Variants in PCDHA8 observed in about 807,000 individuals in gnomAD.
PCDHA8 encodes the protein protocadherin alpha-8.
A neutral mutation model predicts 61.8 loss-of-function variants in PCDHA8; 53 were observed. That is an observed-to-expected ratio of 0.86 (90% CI 0.69 to 1.08). The LOEUF (loss-of-function observed/expected upper bound fraction) is 1.08, where lower values mean the gene tolerates loss of function less well. PCDHA8 is among the 50% of genes least tolerant of loss of function. PCDHA8 has a pLI of 0.00. For missense variants in PCDHA8, 1,293 were observed against 1,245.0 expected, an observed-to-expected ratio of 1.04 and a Z score of -0.58; for synonymous variants, 618 against 556.6, an observed-to-expected ratio of 1.11 and a Z score of -1.55.
In PCDHA8 at chr5:140,842,901, A is replaced by G. The variant is rs150252824; in HGVS notation, c.1580A>G (p.Glu527Gly). ...VYALQPLDHEELELLQFQVSA... is the reference protein window; with the variant it reads ...VYALQPLDHEGLELLQFQVSA... ...GCGCTGCAGCCGCTGGACCACGAGG[A>G]GCTAGAGCTGCTGCAGTTCCAGGTG... Residue 527 changes from glutamate (E) to glycine (G), a missense_variant, in exon 1 of 4, where the codon GAG becomes GGG. Transcript: ENST00000531613. 211 of 1,594,012 alleles carry G rather than the reference A, an allele frequency of 1.3e-4. 20 individuals carry two copies. Among genetic ancestry groups the G allele is most frequent in the Non-Finnish European group, 1.7e-4 (198 of 1,165,384 alleles).
At chr5:140,870,925 T>A (rs1554164841) in intron 1 of PCDHA8, 1 of 1,613,916 alleles carries the variant, frequency 6.2e-7, no homozygotes, top group South Asian at 1.1e-5. Flanking sequence ...GTGGCTTTCA[T>A]ATGAATTGCA....
At chr5:140,863,489 C>A in intron 1 of PCDHA8, 1 of 450,994 alleles carries the variant, frequency 2.2e-6, no homozygotes, top group Non-Finnish European at 4.4e-6. Flanking sequence ...CCAAGGTCAA[C>A]ATTACGGCTT....
intron 1 of PCDHA8, among the ~76,000 whole-genome samples, chr5:140,961,887 G>GT (rs35680913): frequency 0.069 from 9,857 of 143,718 alleles, 798 homozygotes; most frequent in African/African-American, 0.2. Flanking sequence ...ACTTACATCA[G>GT]TTTTTTTTTT....
intron 1 of PCDHA8, among the ~76,000 whole-genome samples, chr5:140,945,280 A>G (rs1482777954): frequency 6.6e-6 from 1 of 152,146 alleles, no homozygotes; most frequent in Non-Finnish European, 1.5e-5. Flanking sequence ...ACTTTAAAAC[A>G]TTGATGAAAG....
At chr5:140,893,385 G>A (rs2063961874) in intron 1 of PCDHA8, among the ~76,000 whole-genome samples, 1 of 152,138 alleles carries the variant, frequency 6.6e-6, no homozygotes, top group South Asian at 2.1e-4. Flanking sequence ...TGGGACAGTG[G>A]CTCATGCCTG....
chr5:140,892,261 G>A (rs1221882386), intron 1 of PCDHA8, among the ~76,000 whole-genome samples: 1 of 152,020 alleles, frequency 6.6e-6, no homozygotes, highest in Admixed American at 6.6e-5. Context: ...CTTTGATTTT[G>A]TGCTGAAAGT....
rs1314972050 is a variant in PCDHA8, at chr5:141,011,103, T to A, written c.*1166T>A. 6.5e-6 allele frequency: 1 copy of A among 153,762 alleles called. No individual in the cohort carries two copies. Among genetic ancestry groups the A allele is most frequent in the Non-Finnish European group, 1.5e-5 (1 of 68,036 alleles). The allele number at this position is 153,762 out of a possible 1,614,324, so 9.5% of individuals were successfully genotyped here. A position where few individuals can be genotyped will look rare whatever the true frequency, so the allele number is the denominator to read the frequency against. On this transcript the variant is annotated 3_prime_UTR_variant, in exon 4 of 4. Coordinates refer to ENST00000531613, the MANE Select transcript of PCDHA8 (RefSeq NM_018911.3). ...TGATCTCTCTTTCTCTCTCTCTCTC[T>A]CTTTTCTAAGAAACAATTATGTGCA... is the stretch of plus-strand genomic sequence containing the variant.
In PCDHA8 at chr5:140,846,583, C is replaced by T. The variant is rs2150392469; in HGVS notation, c.2394+2868C>T. On this transcript the variant is annotated intron_variant, in intron 1 of 3. Transcript: ENST00000531613. The stretch of plus-strand genomic sequence containing the variant: ...TAGAGTCGGGGTTTCACCATGTTAG[C>T]CAGGATGGTCTCGATCTCCTGACCT... Among the ~76,000 whole-genome samples the T allele has an allele frequency of 2.6e-4, 39 of 148,680 alleles. 1 individual carries two copies. Among genetic ancestry groups the T allele is most frequent in the African/African-American group, 9.4e-4 (38 of 40,584 alleles).
At chr5:140,962,358 T>C (rs1167082870) in intron 1 of PCDHA8, among the ~76,000 whole-genome samples, 4 of 152,230 alleles carry the variant, frequency 2.6e-5, no homozygotes, top group Non-Finnish European at 5.9e-5. Context: ...CCCCCAATAC[T>C]GGCTAGTTTG....
chr5:140,876,454 C>A, intron 1 of PCDHA8: 2 of 1,613,996 alleles, frequency 1.2e-6, no homozygotes, highest in Non-Finnish European at 1.7e-6. Context: ...TAAAGGGATT[C>A]CTTCCATGGC....
intron 1 of PCDHA8, chr5:140,864,363 C>G (rs1389030549): frequency 6.6e-6 from 1 of 152,156 alleles, no homozygotes; most frequent in Non-Finnish European, 1.5e-5. Flanking sequence ...GTTTATCTTT[C>G]TATAATCGAT....
intron 1 of PCDHA8, chr5:140,860,340 C>G (rs981702671): frequency 6.6e-6 from 1 of 151,936 alleles, no homozygotes; most frequent in Admixed American, 6.6e-5. Context: ...ATGATTGTGC[C>G]ACTGCACTCC....
chr5:141,002,806 G>T (rs1341419225), intron 3 of PCDHA8, among the ~76,000 whole-genome samples: 1 of 152,162 alleles, frequency 6.6e-6, no homozygotes, highest in Non-Finnish European at 1.5e-5. Context: ...GGAAACTGAG[G>T]CTCAGAGATA....
chr5:140,848,406 G>C, intron 1 of PCDHA8: 2 of 1,338,990 alleles, frequency 1.5e-6, no homozygotes, highest in Admixed American at 4.3e-5. Context: ...GAACGATGGC[G>C]AACACAGCAG....
intron 1 of PCDHA8, chr5:140,857,594 G>T (rs1554150300): frequency 6.3e-7 from 1 of 1,596,514 alleles, no homozygotes; most frequent in Admixed American, 1.7e-5. Context: ...GAGCGGCAAG[G>T]TGTACGCGCT....
chr5:140,883,231 G>A, intron 1 of PCDHA8: 1 of 1,613,930 alleles, frequency 6.2e-7, no homozygotes, highest in Non-Finnish European at 8.5e-7. Context: ...TATCCGTGGA[G>A]GCAGTTGACA....
chr5:140,928,461 C>T, intron 1 of PCDHA8: 2 of 1,614,108 alleles, frequency 1.2e-6, no homozygotes, highest in Non-Finnish European at 1.7e-6. Context: ...GGTTTCATTT[C>T]CAAGTAGAAG....
chr5:140,849,539 A>G lies in PCDHA8; in HGVS notation c.2394+5824A>G, dbSNP rs2150439995. ...TTGTGGATGTAAATGACAATGCTCC[A>G]CAGTTGACTATCAAAACGCTCTCGG... On this transcript the variant is annotated intron_variant, in intron 1 of 3. Coordinates refer to ENST00000531613, the MANE Select transcript of PCDHA8 (RefSeq NM_018911.3). 1.9e-6 allele frequency: 3 copies of G among 1,598,028 alleles called. 1 individual carries two copies. The highest frequency in any genetic ancestry group is 1.7e-6 in the Non-Finnish European group (2 of 1,167,768).
At chr5:140,958,844 G>A (rs533464436) in intron 1 of PCDHA8, among the ~76,000 whole-genome samples, 81 of 152,122 alleles carry the variant, frequency 5.3e-4, no homozygotes, top group African/African-American at 1.9e-3. Context: ...TATCATTCCA[G>A]TGTCTTTGGT....
Sources: gnomAD v4.1 joint callset for allele counts (sites outside exome capture counted in the v4.1 genomes callset) on GRCh38, gnomAD v4.1.1 for gene constraint, MANE v1.5 for transcripts, NCBI Gene and HGNC (gene_info 2026-07-23, HGNC 2026-07-21) for gene names.